The following PTPRQ variants were observed in gnomAD, a reference collection of about 807,000 sequenced individuals.
PTPRQ encodes protein tyrosine phosphatase receptor type Q.
Under a neutral mutation model 246.0 loss-of-function variants are expected in PTPRQ, and 199 were observed. That is an observed-to-expected ratio of 0.81 (90% CI 0.72 to 0.91). The LOEUF is 0.91. Among genes scored for constraint, PTPRQ ranks in the 40% least tolerant of loss-of-function variants. The probability of loss-of-function intolerance (pLI) is 0.00; values close to 1 mark genes in which losing one functional copy is unlikely to be tolerated. For missense variants in PTPRQ, 2,624 were observed against 2,528.4 expected (o/e 1.04, Z -0.81); for synonymous variants, 869 against 853.2 (o/e 1.02, Z -0.32).
chr12:80,539,715 T>C, intron 19 of PTPRQ, 61 bp from the exon 20 acceptor site: 1 of 1,351,144 alleles, frequency 7.4e-7, no homozygotes, highest in South Asian at 1.6e-5. Context: ...AACAATTAGT[T>C]TGAAGTGTTC....
intron 3 of PTPRQ, among the ~76,000 whole-genome samples, chr12:80,446,406 T>C (rs59243263): frequency 0.043 from 6,476 of 151,934 alleles, 469 homozygotes; most frequent in African/African-American, 0.15. Context: ...TTGTTCTGTA[T>C]ATAAAATTTA....
Position 80,669,118 on chromosome 12 carries a change from A to G in PTPRQ, c.6304A>G (p.Thr2102Ala), listed in dbSNP as rs1321215001. The change falls in exon 40 of 45, where the codon ACA (threonine) becomes GCA (alanine). Residue 2102 changes from threonine to alanine, a missense_variant. Transcript: ENST00000644991. ...CAGAGCAAAAACATTAGTAATGCTA[A>G]CACAGTGTTTTGAAAAAGGACGGGT... ...ETRAKTLVMLTQCFEKGRIRC... is the reference protein window; with the variant it reads ...ETRAKTLVMLAQCFEKGRIRC... 1.9e-6 allele frequency: 3 copies of G among 1,546,780 alleles called. No individual in the cohort carries two copies. The highest frequency in any genetic ancestry group is 2.4e-5 in the East Asian group (1 of 40,822).
intron 34 of PTPRQ, among the ~76,000 whole-genome samples, chr12:80,634,386 G>A (rs1014313492): frequency 1.3e-5 from 2 of 152,008 alleles, no homozygotes; most frequent in Non-Finnish European, 2.9e-5. Context: ...GATTCATGTG[G>A]CTTTTATTTT....
intron 14 of PTPRQ, 51 bp from the exon 15 acceptor site, chr12:80,505,973 A>G: frequency 6.6e-7 from 1 of 1,507,282 alleles, no homozygotes; most frequent in Non-Finnish European, 8.9e-7. Context: ...TCAGCAGAAT[A>G]GATTTTTAGA....
At chr12:80,600,169 A>G (rs1328945821) in intron 26 of PTPRQ, among the ~76,000 whole-genome samples, 1 of 151,858 alleles carries the variant, frequency 6.6e-6, no homozygotes, top group Non-Finnish European at 1.5e-5. Context: ...GCTTTTTTAT[A>G]ATGATTGATC....
At chr12:80,457,689 T>C in intron 4 of PTPRQ, 45 bp downstream of exon 4, 1 of 399,852 alleles carries the variant, frequency 2.5e-6, no homozygotes, top group Non-Finnish European at 4.4e-6. Context: ...GTCATGAGTT[T>C]GTCGTTTAAA....
intron 17 of PTPRQ, among the ~76,000 whole-genome samples, chr12:80,524,316 C>T (rs892717026): frequency 2.0e-5 from 3 of 152,198 alleles, no homozygotes; most frequent in Admixed American, 6.5e-5. Context: ...GATGGTTTTA[C>T]AAGGGGTTTC....
intron 35 of PTPRQ, among the ~76,000 whole-genome samples, chr12:80,635,901 T>A (rs1899629944): frequency 6.6e-6 from 1 of 152,178 alleles, no homozygotes; most frequent in Non-Finnish European, 1.5e-5. Flanking sequence ...TTAAAAAAAT[T>A]ATTATTAATT....
chr12:80,595,779 T>C (rs764303684), intron 26 of PTPRQ, among the ~76,000 whole-genome samples: 16 of 143,936 alleles, frequency 1.1e-4, no homozygotes, highest in South Asian at 2.3e-4. Context: ...TGTGTTCGCA[T>C]TGTTCAATTC....
At chr12:80,478,236 A>G (rs111909659) in intron 8 of PTPRQ, among the ~76,000 whole-genome samples, 1 of 150,728 alleles carries the variant, frequency 6.6e-6, no homozygotes, top group Non-Finnish European at 1.5e-5. Context: ...ACCCCCGAGC[A>G]GCCTAACTGG....
chr12:80,537,129 G>T (rs886480114), intron 19 of PTPRQ, among the ~76,000 whole-genome samples: 2 of 152,104 alleles, frequency 1.3e-5, no homozygotes, highest in Admixed American at 6.5e-5. Flanking sequence ...CTGCAAGAGG[G>T]CACAGGCTAA....
intron 17 of PTPRQ, among the ~76,000 whole-genome samples, chr12:80,525,551 G>A (rs1421809116): frequency 9.2e-5 from 14 of 152,036 alleles, no homozygotes; most frequent in Admixed American, 1.3e-4. Flanking sequence ...CGGAAAGCCC[G>A]TGGAATGTTT....
intron 41 of PTPRQ, among the ~76,000 whole-genome samples, chr12:80,669,812 T>G (rs1900911179): frequency 6.6e-6 from 1 of 152,064 alleles, no homozygotes; most frequent in African/African-American, 2.4e-5. Context: ...CCCAAGTCAC[T>G]CATCTCCTGA....
At chr12:80,497,941 AAAGTAGCT>A (rs763479489) in intron 14 of PTPRQ, among the ~76,000 whole-genome samples, 2 of 152,070 alleles carry the variant, frequency 1.3e-5, no homozygotes, top group Non-Finnish European at 2.9e-5. Context: ...GAAATCTAGT[AAAGTAGCT>A]TACTTTTGTA....
Position 80,457,642 on chromosome 12 carries a change from G to A in PTPRQ, c.458G>A (p.Ser153Asn). Residue 153 changes from serine to asparagine, a missense_variant and splice_region_variant, in exon 4 of 45, where the codon AGT (serine) becomes AAT (asparagine). Physicochemically the swap from Ser to Asn is conservative, Grantham distance 46. Transcript: ENST00000644991. ...CCATTTCTCTTCCAAACTGCAGAAA[G>A]TGGTAATTTTCCTGTCATTTATTTT... ...SDPFLFQTAESAPGKVVNLTV... is the reference protein window; with the variant it reads ...SDPFLFQTAENAPGKVVNLTV... 2 of 400,164 alleles carry A rather than the reference G, an allele frequency of 5.0e-6. No individual in the cohort carries two copies. The highest frequency in any genetic ancestry group is 8.9e-6 in the Non-Finnish European group (2 of 225,850). The allele number at this position is 400,164 out of a possible 1,614,324, so 24.8% of individuals were successfully genotyped here.
chr12:80,627,200 A>G (rs573826105), intron 33 of PTPRQ, among the ~76,000 whole-genome samples: 1 of 151,986 alleles, frequency 6.6e-6, no homozygotes, highest in East Asian at 1.9e-4. Context: ...TATTCCTCCT[A>G]TCTAACTCTA....
At chr12:80,616,387 A>G (rs1390959058) in intron 30 of PTPRQ, 121 bp downstream of exon 30, 1 of 858,518 alleles carries the variant, frequency 1.2e-6, no homozygotes, top group Non-Finnish European at 1.6e-6. Flanking sequence ...TATTAAGCAC[A>G]TACTAAGTAA....
chr12:80,678,967 A>G lies in PTPRQ; in HGVS notation c.6863-19A>G, dbSNP rs1901233548. The G allele has an allele frequency of 2.6e-6, 4 of 1,540,206 alleles. No individual in the cohort carries two copies. Among genetic ancestry groups the G allele is most frequent in the South Asian group, 1.2e-5 (1 of 81,242 alleles). Reference sequence around the variant, plus strand: ...GTTAACTTCAACACTCTCTTGTAACATGTTACTTTCTGTTATAGGTGATGT... The same window carrying G: ...GTTAACTTCAACACTCTCTTGTAACGTGTTACTTTCTGTTATAGGTGATGT... On this transcript the variant is annotated intron_variant, in intron 44 of 44. Coordinates refer to ENST00000644991, the MANE Select transcript of PTPRQ (RefSeq NM_001145026.2).
intron 14 of PTPRQ, among the ~76,000 whole-genome samples, chr12:80,500,654 G>A (rs981187559): frequency 2.0e-5 from 3 of 151,700 alleles, no homozygotes; most frequent in African/African-American, 4.8e-5. Flanking sequence ...TTACCTGTGA[G>A]TTTCTCTCTT....
Sources: gnomAD v4.1 joint callset for allele counts (sites outside exome capture counted in the v4.1 genomes callset) on GRCh38, gnomAD v4.1.1 for gene constraint, MANE v1.5 for transcripts, NCBI Gene and HGNC (gene_info 2026-07-23, HGNC 2026-07-21) for gene names.